COX7B2: variants seen among roughly 807,000 people sequenced by gnomAD.
COX7B2 encodes the protein cytochrome c oxidase subunit 7B2, mitochondrial.
For synonymous variants in COX7B2, 37 were observed against 32.1 expected, an observed-to-expected ratio of 1.15 and a Z score of -0.51; for missense variants, 109 against 95.9, an observed-to-expected ratio of 1.14 and a Z score of -0.57.
chr4:46,854,532 C>T (rs1716889315), intron 1 of COX7B2, among the ~76,000 whole-genome samples: 1 of 152,172 alleles, frequency 6.6e-6, no homozygotes, highest in Non-Finnish European at 1.5e-5. Context: ...TTGGGCAGCA[C>T]TGTTCTACAC....
intron 2 of COX7B2, among the ~76,000 whole-genome samples, chr4:46,755,186 C>T (rs908740242): frequency 3.3e-5 from 5 of 151,962 alleles, no homozygotes; most frequent in Admixed American, 2.0e-4. Context: ...AGGACAAAAA[C>T]CACATGATCA....
At chr4:46,832,266 G>A (rs1420498242) in intron 2 of COX7B2, among the ~76,000 whole-genome samples, 6 of 152,056 alleles carry the variant, frequency 3.9e-5, no homozygotes, top group Non-Finnish European at 5.9e-5. Flanking sequence ...GTGAGACCAC[G>A]AACCCACCAG....
chr4:46,741,275 A>G (rs764421877), intron 2 of COX7B2, among the ~76,000 whole-genome samples: 1 of 152,124 alleles, frequency 6.6e-6, no homozygotes, highest in Non-Finnish European at 1.5e-5. Flanking sequence ...GGGTTTCCCA[A>G]TCTGGATACA....
chr4:46,789,055 A>C (rs917512654), intron 2 of COX7B2, among the ~76,000 whole-genome samples: 4 of 152,160 alleles, frequency 2.6e-5, no homozygotes, highest in Non-Finnish European at 4.4e-5. Context: ...TGAACTTCAC[A>C]AACATGGGCA....
intron 2 of COX7B2, among the ~76,000 whole-genome samples, chr4:46,783,706 T>C (rs957003527): frequency 6.6e-6 from 1 of 151,876 alleles, no homozygotes; most frequent in African/African-American, 2.4e-5. Context: ...TTGCAAATGA[T>C]ATGAACAAAA....
chr4:46,850,426 G>A (rs138389125), intron 1 of COX7B2, among the ~76,000 whole-genome samples: 17 of 152,040 alleles, frequency 1.1e-4, no homozygotes, highest in African/African-American at 2.6e-4. Context: ...AAGACGGAGC[G>A]GGAAAAGCAG....
intron 2 of COX7B2, among the ~76,000 whole-genome samples, chr4:46,824,989 C>T (rs1714581385): frequency 1.3e-5 from 2 of 151,920 alleles, no homozygotes; most frequent in South Asian, 2.1e-4. Context: ...AGATGTGATG[C>T]CCTCTCATCA....
intron 2 of COX7B2, among the ~76,000 whole-genome samples, chr4:46,746,304 C>T (rs189585075): frequency 3.0e-4 from 45 of 152,308 alleles, no homozygotes; most frequent in South Asian, 1.2e-3. Flanking sequence ...TGGCTTTATA[C>T]TCTATTTGAG....
intron 1 of COX7B2, among the ~76,000 whole-genome samples, chr4:46,898,528 C>T (rs1003218905): frequency 6.6e-6 from 1 of 152,086 alleles, no homozygotes; most frequent in African/African-American, 2.4e-5. Context: ...AGCAATCCTT[C>T]CCCCTCAGCC....
intron 2 of COX7B2, among the ~76,000 whole-genome samples, chr4:46,785,510 C>A (rs1717705897): frequency 6.6e-6 from 1 of 151,964 alleles, no homozygotes. Context: ...GTAGCTGGGA[C>A]TACAGGCACC....
chr4:46,832,094 C>G lies in COX7B2; in HGVS notation c.-50+12866G>C, dbSNP rs545242148. Among the ~76,000 whole-genome samples the G allele has an allele frequency of 2.6e-3, 395 of 152,246 alleles. 2 individuals carry two copies. The highest frequency in any genetic ancestry group is 3.7e-3 in the South Asian group (18 of 4,816). ...GATAAGAGAATAAAAGCAAGCTGCC[C>G]CAGCCAGCAGTGGCAACCTGCTCGG... On this transcript the variant is annotated intron_variant, in intron 2 of 2. Coordinates refer to ENST00000355591, the MANE Select transcript of COX7B2 (RefSeq NM_130902.3).
At chr4:46,852,045 G>C (rs2109781032) in intron 1 of COX7B2, among the ~76,000 whole-genome samples, 1 of 152,072 alleles carries the variant, frequency 6.6e-6, no homozygotes, top group Admixed American at 6.6e-5. Flanking sequence ...GAGACTTTAT[G>C]ACATATATTA....
chr4:46,788,438 C>T (rs371902930), intron 2 of COX7B2, among the ~76,000 whole-genome samples: 2 of 151,934 alleles, frequency 1.3e-5, no homozygotes, highest in African/African-American at 4.8e-5. Context: ...TATTTTTTAA[C>T]AGCTAGGGGT....
intron 2 of COX7B2, among the ~76,000 whole-genome samples, chr4:46,805,395 A>T (rs1718946176): frequency 6.6e-6 from 1 of 152,244 alleles, no homozygotes; most frequent in African/African-American, 2.4e-5. Context: ...TAAGTAAGTA[A>T]TATACCACAA....
At chr4:46,828,750 A>G (rs565225176) in intron 2 of COX7B2, among the ~76,000 whole-genome samples, 25 of 152,272 alleles carry the variant, frequency 1.6e-4, no homozygotes, top group African/African-American at 3.8e-4. Flanking sequence ...GAACACATCA[A>G]TATATGGAGT....
intron 2 of COX7B2, among the ~76,000 whole-genome samples, chr4:46,819,755 T>C (rs908156831): frequency 6.6e-6 from 1 of 152,188 alleles, no homozygotes; most frequent in Non-Finnish European, 1.5e-5. Context: ...GTTTTATATA[T>C]TAGGGTGCTC....
At chr4:46,866,549 T>C (rs1717682186) in intron 1 of COX7B2, among the ~76,000 whole-genome samples, 1 of 152,142 alleles carries the variant, frequency 6.6e-6, no homozygotes, top group Admixed American at 6.5e-5. Context: ...TCACTGTCTA[T>C]AACCCCATAA....
intron 2 of COX7B2, among the ~76,000 whole-genome samples, chr4:46,841,655 T>G (rs1422618012): frequency 6.6e-6 from 1 of 151,916 alleles, no homozygotes; most frequent in Admixed American, 6.6e-5. Flanking sequence ...TGCTCTGAAT[T>G]GTGACTGAAC....
In COX7B2 at chr4:46,786,074, A is replaced by T. The variant is rs143007165; in HGVS notation, c.-49-50833T>A. On this transcript the variant is annotated intron_variant, in intron 2 of 2. Transcript: ENST00000355591. ...GCTTTTATTTTCATGGTTAAAAGAA[A>T]ATACACATTCTTTGATTAAAAAAAA... 6.8e-3 allele frequency among the ~76,000 whole-genome samples: 1,038 copies of T among 152,200 alleles called. 11 individuals are homozygous for T. The highest frequency in any genetic ancestry group is 0.024 in the African/African-American group (995 of 41,474).
Sources: allele counts gnomAD v4.1 joint callset (sites outside exome capture counted in the v4.1 genomes callset), GRCh38; gene constraint gnomAD v4.1.1; transcripts MANE v1.5; gene names NCBI Gene and HGNC (gene_info 2026-07-23, HGNC 2026-07-21).